The following RSPH14 variants were observed in gnomAD, a reference collection of about 807,000 sequenced individuals.
RSPH14 encodes the protein rhabdoid tumor deletion region gene 1.
RSPH14 carries 20 observed loss-of-function variants against 26.7 expected under a neutral mutation model. That is an observed-to-expected ratio of 0.75 (90% CI 0.53 to 1.09). RSPH14 has a LOEUF of 1.09. Ranked by LOEUF, RSPH14 falls within the 50% of genes least tolerant of loss-of-function variation. RSPH14 has a pLI of 0.00. For missense variants in RSPH14, 449 were observed against 457.2 expected (o/e 0.98, Z 0.16); for synonymous variants, 177 against 189.3 (o/e 0.93, Z 0.53).
chr22:23,180,446 G>C, the RSPH14 span: 1 of 169,570 alleles, frequency 5.9e-6, no homozygotes, highest in African/African-American at 2.4e-5. Context: ...CCCTTTAAGA[G>C]GCCCGCCTGG....
At chr22:23,107,239 C>G (rs1355449619) in intron 4 of RSPH14, among the ~76,000 whole-genome samples, 2 of 152,148 alleles carry the variant, frequency 1.3e-5, no homozygotes, top group Non-Finnish European at 2.9e-5. Context: ...CTTCTGGACT[C>G]GGCTGGAACA....
At chr22:23,166,173 AAAAAG>A in the RSPH14 span, among the ~76,000 whole-genome samples, 7 of 145,710 alleles carry the variant, frequency 4.8e-5, no homozygotes, top group East Asian at 9.9e-4. Context: ...AAAAAAAAAA[AAAAAG>A]GAGTGTTTCC....
rs534720544 is a variant in RSPH14, at chr22:23,128,548, G to A, written c.421+5478C>T. Among the ~76,000 whole-genome samples the A allele has an allele frequency of 1.6e-4, 25 of 152,308 alleles. No individual in the cohort carries two copies. In the South Asian group the frequency reaches 5.0e-3, roughly 30 times the overall value. On this transcript the variant is annotated intron_variant, in intron 4 of 6. Coordinates refer to ENST00000216036, the MANE Select transcript of RSPH14 (RefSeq NM_014433.3). ...GCGTGTGGGTGAGCGCAGCAGCTTGGGCCCAGGGCCCCTGCAGGGCCAGGG... is the reference window on the plus strand; with the variant it reads ...GCGTGTGGGTGAGCGCAGCAGCTTGAGCCCAGGGCCCCTGCAGGGCCAGGG...
chr22:23,092,897 C>A (rs1239468375), intron 4 of RSPH14, among the ~76,000 whole-genome samples: 1 of 152,214 alleles, frequency 6.6e-6, no homozygotes, highest in Non-Finnish European at 1.5e-5. Context: ...GGACACCTCC[C>A]ACTGGGTTGG....
At position 23,059,579 on chromosome 22, in the gene RSPH14, C is replaced by G; in HGVS notation, c.930G>C (p.Gln310His). The G allele has an allele frequency of 6.2e-7, 1 of 1,614,200 alleles. No individual in the cohort carries two copies. The highest frequency in any genetic ancestry group is 8.5e-7 in the Non-Finnish European group (1 of 1,180,014). ...AEAPEGRKAL[Q>H]THVPTFRAME... ...TGGCACGGAAAGTGGGCACGTGCGT[C>G]TGCAGGGCCTTGCGGCCCTCGGGGG... Residue 310 changes from glutamine (Q) to histidine (H), a missense_variant, in exon 7 of 7, where the codon CAG (glutamine) becomes CAC (histidine). By Grantham distance (24) the Gln-to-His change is conservative. Coordinates refer to ENST00000216036, the MANE Select transcript of RSPH14 (RefSeq NM_014433.3).
intron 4 of RSPH14, among the ~76,000 whole-genome samples, chr22:23,107,211 G>A (rs533919445): frequency 5.1e-4 from 77 of 152,280 alleles, no homozygotes; most frequent in South Asian, 2.3e-3. Context: ...GGGGGCCACC[G>A]GCAAGCAGAG....
chr22:23,125,944 C>T (rs2070172207), intron 4 of RSPH14, among the ~76,000 whole-genome samples: 1 of 152,198 alleles, frequency 6.6e-6, no homozygotes. Flanking sequence ...CACATGCACA[C>T]ACGCGCAGAT....
chr22:23,160,569 C>A, the RSPH14 span, among the ~76,000 whole-genome samples: 5 of 152,310 alleles, frequency 3.3e-5, no homozygotes, highest in East Asian at 7.7e-4. Flanking sequence ...ATAGTAGCAT[C>A]TGATTGGAAG....
At chr22:23,172,045 T>G in the RSPH14 span, among the ~76,000 whole-genome samples, 1 of 152,140 alleles carries the variant, frequency 6.6e-6, no homozygotes, top group Non-Finnish European at 1.5e-5. Context: ...GTTAAAACAA[T>G]TGCCATCATA....
intron 4 of RSPH14, among the ~76,000 whole-genome samples, chr22:23,104,545 CAT>C (rs574945377): frequency 1.4e-3 from 210 of 152,312 alleles, no homozygotes; most frequent in African/African-American, 4.9e-3. Context: ...AGTACACACA[CAT>C]GAGAACAGCT....
chr22:23,063,485 C>A (rs896295566), intron 5 of RSPH14, among the ~76,000 whole-genome samples: 9 of 152,184 alleles, frequency 5.9e-5, no homozygotes, highest in Admixed American at 2.0e-4. Flanking sequence ...TGGTGTGAGA[C>A]ACAAGACACT....
At chr22:23,156,287 C>T in the RSPH14 span, 1 of 416,804 alleles carries the variant, frequency 2.4e-6, no homozygotes, top group African/African-American at 2.1e-5. Context: ...CCAGTTTCAG[C>T]TCATAAAGAT....
At chr22:23,090,041 C>G (rs1224341633) in intron 4 of RSPH14, among the ~76,000 whole-genome samples, 2 of 152,126 alleles carry the variant, frequency 1.3e-5, no homozygotes, top group East Asian at 1.9e-4. Context: ...TTTGCCACAC[C>G]CTTCACGCTG....
At chr22:23,074,788 G>A (rs1485931508) in intron 4 of RSPH14, among the ~76,000 whole-genome samples, 5 of 152,186 alleles carry the variant, frequency 3.3e-5, no homozygotes. Flanking sequence ...CCAGAGAGCA[G>A]GTCCCCTGTG....
intron 4 of RSPH14, among the ~76,000 whole-genome samples, chr22:23,099,328 G>C (rs5759587): frequency 0.39 from 59,883 of 152,180 alleles, 12,896 homozygotes; most frequent in East Asian, 0.6. Context: ...CCCCTCCATG[G>C]CCACGGTTCC....
In RSPH14 at chr22:23,089,334, C is replaced by G. The variant is rs537918496; in HGVS notation, c.422-25201G>C. On this transcript the variant is annotated intron_variant, in intron 4 of 6. Transcript: ENST00000216036. Reference sequence around the variant, plus strand: ...GTTGTGGAGGAGGCCTTGAGCAAAGCTTTGGGGACAGCCTGGAGGTTACGG... The same window carrying G: ...GTTGTGGAGGAGGCCTTGAGCAAAGGTTTGGGGACAGCCTGGAGGTTACGG... 4.6e-5 allele frequency among the ~76,000 whole-genome samples: 7 copies of G among 152,304 alleles called. No homozygotes were observed. In the East Asian group the frequency reaches 1.2e-3, roughly 25 times the overall value.
chr22:23,129,892 C>T (rs1242532930), intron 4 of RSPH14, among the ~76,000 whole-genome samples: 4 of 149,116 alleles, frequency 2.7e-5, no homozygotes, highest in African/African-American at 9.9e-5. Context: ...TACAGTACAG[C>T]CTGGGTGACA....
chr22:23,137,867 G>A (rs930200830), intron 3 of RSPH14: 2 of 167,750 alleles, frequency 1.2e-5, no homozygotes, highest in Admixed American at 6.3e-5. Flanking sequence ...TAACACTGGG[G>A]TTTTGTTTCT....
intron 4 of RSPH14, among the ~76,000 whole-genome samples, chr22:23,127,520 A>C (rs2070214475): frequency 6.6e-6 from 1 of 152,114 alleles, no homozygotes; most frequent in Non-Finnish European, 1.5e-5. Flanking sequence ...GAGGAGGAGG[A>C]GGAGGCTGCT....
Sources: gnomAD v4.1 joint callset for allele counts (sites outside exome capture counted in the v4.1 genomes callset) on GRCh38, gnomAD v4.1.1 for gene constraint, MANE v1.5 for transcripts, NCBI Gene and HGNC (gene_info 2026-07-23, HGNC 2026-07-21) for gene names.